PLEKHG4: variants seen among roughly 807,000 people sequenced by gnomAD.
The protein encoded by PLEKHG4 is pleckstrin homology and RhoGEF domain containing G4, also known as puratrophin-1.
In PLEKHG4, 85 loss-of-function variants were observed where a neutral mutation model predicts 136.9. The ratio of observed to expected loss-of-function variants is 0.62; its 90% CI spans 0.52 to 0.74. PLEKHG4 has a LOEUF of 0.74. PLEKHG4 is among the 30% of genes least tolerant of loss of function. PLEKHG4 has a pLI of 0.00. For synonymous variants in PLEKHG4, 577 were observed against 646.9 expected (o/e 0.89, Z 1.64); for missense variants, 1,317 against 1,527.8 (o/e 0.86, Z 2.30).
chr16:67,285,143 G>C lies in PLEKHG4; in HGVS notation c.2123G>C (p.Gly708Ala). 6.2e-7 allele frequency: 1 copy of C among 1,613,432 alleles called. No individual in the cohort carries two copies. The highest frequency in any genetic ancestry group is 8.5e-7 in the Non-Finnish European group (1 of 1,180,008). The change falls in exon 13 of 22, where the codon GGA becomes GCA. Residue 708 changes from glycine to alanine, a missense_variant. Coordinates refer to ENST00000379344, the MANE Select transcript of PLEKHG4 (RefSeq NM_001129729.3). Reference protein sequence around the residue: ...TIAACRRPEAGGGALPQASPT... With the variant: ...TIAACRRPEAAGGALPQASPT... Reference sequence around the variant, plus strand: ...GCTGCCTGCCGCAGACCAGAGGCTGGAGGAGGTGCCCTGCCCCAGGCATCC... The same window carrying C: ...GCTGCCTGCCGCAGACCAGAGGCTGCAGGAGGTGCCCTGCCCCAGGCATCC...
intron 5 of PLEKHG4, 78 bp downstream of exon 5, chr16:67,281,262 C>A: frequency 1.7e-6 from 2 of 1,156,120 alleles, no homozygotes; most frequent in Non-Finnish European, 2.6e-6. Flanking sequence ...TTGCCTTTGT[C>A]GCCCAGGCTG....
intron 19 of PLEKHG4, 75 bp downstream of exon 19, chr16:67,288,089 G>A (rs2036565074): frequency 1.3e-6 from 2 of 1,532,222 alleles, no homozygotes; most frequent in Non-Finnish European, 1.8e-6. Context: ...CTCCATTAGT[G>A]CTGGCCCGCA....
Position 67,282,438 on chromosome 16 carries a change from T to C in PLEKHG4, c.1254-65T>C, listed in dbSNP as rs1567435051. 4 of 1,613,200 alleles carry C rather than the reference T, an allele frequency of 2.5e-6. No homozygotes were observed. The East Asian group carries it at 8.9e-5, about 36-fold the overall frequency. ...TGGCTAGCTCAGAACCTGGTAGGAC[T>C]GTGGTGCCAGGACAGGGTGGAGTGG... On this transcript the variant is annotated intron_variant, in intron 9 of 21. Coordinates refer to ENST00000379344, the MANE Select transcript of PLEKHG4 (RefSeq NM_001129729.3).
chr16:67,284,281 G>T lies in PLEKHG4; in HGVS notation c.1516G>T (p.Val506Phe). ...CTAGTCTCTGTCTCTGCAGGAGCAG[G>T]TCAGGCAAGGGGAGAAGTTTCTGCA... Reference protein sequence around the residue: ...QELYQVAQEQVRQGEKFLQPL... With the variant: ...QELYQVAQEQFRQGEKFLQPL... The change falls in exon 12 of 22, where the codon GTC (valine) becomes TTC (phenylalanine). Residue 506 changes from valine (V) to phenylalanine (F), a missense_variant. Transcript: ENST00000379344. The surrounding 1 kb of genome is among the most constrained non-coding windows in gnomAD (Gnocchi z 4.4). 13 of 1,613,808 alleles carry T rather than the reference G, an allele frequency of 8.1e-6. No homozygotes were observed. Among genetic ancestry groups the T allele is most frequent in the Non-Finnish European group, 1.1e-5 (13 of 1,179,934 alleles).
chr16:67,282,541 T>C lies in PLEKHG4; in HGVS notation c.1292T>C (p.Val431Ala). The C allele has an allele frequency of 6.2e-7, 1 of 1,613,954 alleles. No individual in the cohort carries two copies. The highest frequency in any genetic ancestry group is 8.5e-7 in the Non-Finnish European group (1 of 1,179,998). ...MDKADELYDR[V>A]DGLLHQLTLQ... ...AAGGCTGACGAGCTATATGACCGGG[T>C]GGATGGATTGCTGCACCAACTGACC... The change falls in exon 10 of 22, where the codon GTG becomes GCG. Residue 431 changes from valine to alanine, a missense_variant. Val to Ala is a moderately conservative substitution (Grantham distance 64). Transcript: ENST00000379344.
intron 7 of PLEKHG4, 30 bp from the exon 8 acceptor site, chr16:67,281,979 T>C (rs1252076817): frequency 6.3e-7 from 1 of 1,591,486 alleles, no homozygotes; most frequent in Non-Finnish European, 8.6e-7. Flanking sequence ...CACTGCATGC[T>C]GCTCCGGTCA....
intron 11 of PLEKHG4, among the ~76,000 whole-genome samples, chr16:67,283,520 C>T (rs1299404267): frequency 1.3e-5 from 2 of 152,128 alleles, no homozygotes; most frequent in African/African-American, 4.8e-5. Flanking sequence ...AGTGCCTCCT[C>T]TGGCCAGGAT....
Position 67,284,581 on chromosome 16 carries a change from A to T in PLEKHG4, c.1692+124A>T. On this transcript the variant is annotated intron_variant, in intron 12 of 21. Transcript: ENST00000379344. This position sits in a 1 kb window ranked among gnomAD's most constrained non-coding sequence, Gnocchi z 4.4. ...GTTCTCTTCCCTGGTCTTCAGTTTG[A>T]CCCTAAAACCCAGTCACTGGGGCTG... 1.4e-6 allele frequency: 2 copies of T among 1,464,944 alleles called. No individual in the cohort carries two copies. The highest frequency in any genetic ancestry group is 1.9e-6 in the Non-Finnish European group (2 of 1,063,460). The allele number at this position is 1,464,944 out of a possible 1,614,324, so 90.7% of individuals were successfully genotyped here.
Position 67,282,043 on chromosome 16 carries a change from C to A in PLEKHG4, c.1040C>A (p.Ala347Asp). 1 of 1,613,520 alleles carries A rather than the reference C, an allele frequency of 6.2e-7. No individual in the cohort carries two copies. Among genetic ancestry groups the A allele is most frequent in the Non-Finnish European group, 8.5e-7 (1 of 1,179,998 alleles). ...GCTCTACTACAGAACTGCCAGGCAG[C>A]TTGTGCCCTGCTCCAGGGGGCCATC... ...LEALLQNCQA[A>D]CALLQGAIES... Residue 347 changes from alanine to aspartate, a missense_variant, in exon 8 of 22, where the codon GCT becomes GAT. Transcript: ENST00000379344.
rs2036404144 is a variant in PLEKHG4, at chr16:67,285,056, A to T, written c.2036A>T (p.Asp679Val). 6.2e-7 allele frequency: 1 copy of T among 1,613,480 alleles called. No individual in the cohort carries two copies. The highest frequency in any genetic ancestry group is 8.5e-7 in the Non-Finnish European group (1 of 1,180,014). ...HPPLRKAYSF[D>V]RNLGQSLSEP... ...CCCCTGAGGAAGGCCTACAGCTTCG[A>T]TCGGAATCTGGGGCAGAGTCTCAGT... The change falls in exon 13 of 22, where the codon GAT (aspartate) becomes GTT (valine). Residue 679 changes from aspartate (D) to valine (V), a missense_variant. By Grantham distance (152) the Asp-to-Val change is radical. Coordinates refer to ENST00000379344, the MANE Select transcript of PLEKHG4 (RefSeq NM_001129729.3).
chr16:67,289,147 T>C lies in PLEKHG4; in HGVS notation c.*339T>C. ...TGGGGGACCATGTGCCTCTAGGCAG[T>C]GACTAGGGTGCCCCCACCCCTCAGG... On this transcript the variant is annotated 3_prime_UTR_variant, in exon 22 of 22. Coordinates refer to ENST00000379344, the MANE Select transcript of PLEKHG4 (RefSeq NM_001129729.3). 4.2e-6 allele frequency: 2 copies of C among 480,560 alleles called. No homozygotes were observed. The highest frequency in any genetic ancestry group is 4.3e-5 in the South Asian group (2 of 46,836). 29.8% of individuals were successfully genotyped at this position (480,560 alleles called of 1,614,324 possible).
rs2036640050 is a variant in PLEKHG4 at position 67,289,452 on chromosome 16, G to A, written c.*644G>A. 1.7e-6 allele frequency: 1 copy of A among 572,622 alleles called. No individual in the cohort carries two copies. Among genetic ancestry groups the A allele is most frequent in the Non-Finnish European group, 3.1e-6 (1 of 319,188 alleles). 35.5% of individuals were successfully genotyped at this position (572,622 alleles called of 1,614,324 possible). On this transcript the variant is annotated 3_prime_UTR_variant, in exon 22 of 22. Transcript: ENST00000379344. ...TGATGTGTGATTTAATCTTTTATTT[G>A]TTTATAATAAAAAATAGACTGATAT...
Position 67,285,141 on chromosome 16 carries a change from T to C in PLEKHG4, c.2121T>C (p.Ala707=), listed in dbSNP as rs376367659. Residue 707 remains alanine (A), a synonymous_variant, in exon 13 of 22, where the codon GCT becomes GCC. Coordinates refer to ENST00000379344, the MANE Select transcript of PLEKHG4 (RefSeq NM_001129729.3). ...ATIAACRRPE[A]GGGALPQASP... The stretch of plus-strand genomic sequence containing the variant: ...TTGCTGCCTGCCGCAGACCAGAGGC[T>C]GGAGGAGGTGCCCTGCCCCAGGCAT... 12 of 1,613,416 alleles carry C rather than the reference T, an allele frequency of 7.4e-6. No homozygotes were observed. In the South Asian group the frequency reaches 9.9e-5, roughly 13 times the overall value.
chr16:67,282,039 G>A lies in PLEKHG4; in HGVS notation c.1036G>A (p.Ala346Thr). Residue 346 changes from alanine to threonine, a missense_variant, in exon 8 of 22, where the codon GCA becomes ACA. Transcript: ENST00000379344. ...GGAAGCTCTACTACAGAACTGCCAG[G>A]CAGCTTGTGCCCTGCTCCAGGGGGC... ...RLEALLQNCQ[A>T]ACALLQGAIE... The A allele has an allele frequency of 1.9e-6, 3 of 1,613,484 alleles. No individual in the cohort carries two copies. Among genetic ancestry groups the A allele is most frequent in the Non-Finnish European group, 2.5e-6 (3 of 1,180,012 alleles).
rs1379384347 is a variant in PLEKHG4 at position 67,282,290 on chromosome 16, C to G, written c.1194C>G (p.Gly398=). Reference sequence around the variant, plus strand: ...TGGCATGGCTACAATGCCAGGGGGGCCGGGAGCTGACATGGCTGAAGCAAG... The same window carrying G: ...TGGCATGGCTACAATGCCAGGGGGGGCGGGAGCTGACATGGCTGAAGCAAG... ...PWLAWLQCQG[G]RELTWLKQEV... is the part of the protein sequence containing the mutation. The change falls in exon 9 of 22, where the codon GGC becomes GGG. Residue 398 remains glycine, a synonymous_variant. Coordinates refer to ENST00000379344, the MANE Select transcript of PLEKHG4 (RefSeq NM_001129729.3). 6.2e-7 allele frequency: 1 copy of G among 1,613,186 alleles called. No homozygotes were observed. Among genetic ancestry groups the G allele is most frequent in the South Asian group, 1.1e-5 (1 of 91,078 alleles).
chr16:67,282,283 AG>A lies in PLEKHG4; in HGVS notation c.1193del (p.Gly398AlafsTer4), dbSNP rs753797464. ...CCATGGCTGGCATGGCTACAATGCC[AG>A]GGGGGCCGGGAGCTGACATGGCTGA... is the stretch of plus-strand genomic sequence containing the variant. ...DSPWLAWLQC[Q>X]GGRELTWLKQ... On this transcript the variant is annotated frameshift_variant, in exon 9 of 22. Coordinates refer to ENST00000379344, the MANE Select transcript of PLEKHG4 (RefSeq NM_001129729.3). LOFTEE classifies it high-confidence loss of function. The A allele has an allele frequency of 6.8e-6, 11 of 1,613,188 alleles. No homozygotes were observed. In the South Asian group the frequency reaches 7.7e-5, roughly 11 times the overall value.
Position 67,289,471 on chromosome 16 carries a change from C to CT in PLEKHG4, c.*664dup. On this transcript the variant is annotated 3_prime_UTR_variant, in exon 22 of 22. Coordinates refer to ENST00000379344, the MANE Select transcript of PLEKHG4 (RefSeq NM_001129729.3). The stretch of plus-strand genomic sequence containing the variant: ...TTATTTGTTTATAATAAAAAATAGA[C>CT]TGATATGTACCCTCTGATGGGCACA... The CT allele has an allele frequency of 1.6e-6, 1 of 637,992 alleles. No homozygotes were observed. The highest frequency in any genetic ancestry group is 2.8e-6 in the Non-Finnish European group (1 of 357,278). The allele number at this position is 637,992 out of a possible 1,614,324, so 39.5% of individuals were successfully genotyped here.
intron 15 of PLEKHG4, 34 bp from the exon 16 acceptor site, chr16:67,286,411 C>A (rs747069507): frequency 6.2e-7 from 1 of 1,608,802 alleles, no homozygotes; most frequent in African/African-American, 1.3e-5. Context: ...GGGAGTGCCC[C>A]CAAACCACTC....
rs781489911 is a variant in PLEKHG4 at position 67,284,309 on chromosome 16, C to T, written c.1544C>T (p.Pro515Leu). 7.2e-5 allele frequency: 116 copies of T among 1,613,830 alleles called. No individual in the cohort carries two copies. Among genetic ancestry groups the T allele is most frequent in the Non-Finnish European group, 9.4e-5 (111 of 1,179,950 alleles). Residue 515 changes from proline (P) to leucine (L), a missense_variant, in exon 12 of 22, where the codon CCG becomes CTG. Physicochemically the swap from Pro to Leu is moderately conservative, Grantham distance 98. Coordinates refer to ENST00000379344, the MANE Select transcript of PLEKHG4 (RefSeq NM_001129729.3). This position sits in a 1 kb window ranked among gnomAD's most constrained non-coding sequence, Gnocchi z 4.4. ...QVRQGEKFLQPLTGWEAAELD... is the reference protein window; with the variant it reads ...QVRQGEKFLQLLTGWEAAELD... ...AGGCAAGGGGAGAAGTTTCTGCAGC[C>T]GCTGACTGGCTGGGAGGCGGCTGAA...
Sources: allele counts gnomAD v4.1 joint callset (sites outside exome capture counted in the v4.1 genomes callset), GRCh38; gene constraint gnomAD v4.1.1; non-coding constraint Gnocchi (gnomAD v3.1); transcripts MANE v1.5; gene names NCBI Gene and HGNC (gene_info 2026-07-23, HGNC 2026-07-21).